PDE11A: variants seen among roughly 807,000 people sequenced by gnomAD.
PDE11A encodes the protein dual 3',5'-cyclic-AMP and -GMP phosphodiesterase 11A.
In PDE11A, 100 loss-of-function variants were observed where a neutral mutation model predicts 100.5. The ratio of observed to expected loss-of-function variants is 1.00; its 90% CI spans 0.85 to 1.18. The LOEUF (loss-of-function observed/expected upper bound fraction) is 1.18. PDE11A is among the 50% of genes most tolerant of loss of function. The pLI is 0.00. For missense variants in PDE11A, 1,141 were observed against 1,152.6 expected, an observed-to-expected ratio of 0.99 and a Z score of 0.15; for synonymous variants, 381 against 420.8, an observed-to-expected ratio of 0.91 and a Z score of 1.16.
At chr2:178,093,095 T>C (rs2087444685) in intron 2 of PDE11A, 2 of 152,212 alleles carry the variant, frequency 1.3e-5, no homozygotes, top group East Asian at 1.9e-4. Flanking sequence ...CTGAGACTTA[T>C]AGATTCTGAC....
At chr2:178,084,503 G>A (rs555038246) in intron 2 of PDE11A, among the ~76,000 whole-genome samples, 10 of 152,276 alleles carry the variant, frequency 6.6e-5, no homozygotes, top group Admixed American at 2.6e-4. Context: ...AGAAGTAGTC[G>A]GAGAGTAAGA....
chr2:178,001,552 T>C (rs534385151), intron 2 of PDE11A, among the ~76,000 whole-genome samples: 22 of 152,282 alleles, frequency 1.4e-4, no homozygotes, highest in Admixed American at 3.9e-4. Flanking sequence ...TTAGTCCTAT[T>C]CAAGATACAT....
chr2:177,969,166 G>C (rs1284874985), intron 2 of PDE11A, among the ~76,000 whole-genome samples: 1 of 152,126 alleles, frequency 6.6e-6, no homozygotes, highest in Non-Finnish European at 1.5e-5. Flanking sequence ...ACTAACACAG[G>C]AACAGAAAGC....
intron 1 of PDE11A, among the ~76,000 whole-genome samples, chr2:178,048,700 T>C (rs2086784487): frequency 2.6e-5 from 4 of 152,226 alleles, no homozygotes; most frequent in Admixed American, 2.6e-4. Context: ...TCCAGCATTT[T>C]CTGTGCTTGG....
At chr2:177,811,577 A>T in intron 9 of PDE11A, among the ~76,000 whole-genome samples, 1 of 107,028 alleles carries the variant, frequency 9.3e-6, no homozygotes, top group Non-Finnish European at 1.9e-5. Flanking sequence ...TTACATTTCT[A>T]TTTCTCACCA....
intron 13 of PDE11A, among the ~76,000 whole-genome samples, chr2:177,708,792 C>T (rs188386067): frequency 7.9e-5 from 12 of 152,292 alleles, no homozygotes; most frequent in Non-Finnish European, 1.0e-4. Flanking sequence ...TTATGCTCCC[C>T]CAAGTACTGT....
chr2:177,812,343 T>G (rs2082961680), intron 9 of PDE11A, among the ~76,000 whole-genome samples: 1 of 152,074 alleles, frequency 6.6e-6, no homozygotes, highest in Non-Finnish European at 1.5e-5. Context: ...AGGCTAATAC[T>G]AAAATCGACA....
chr2:177,781,136 T>G (rs2082448465), intron 9 of PDE11A, among the ~76,000 whole-genome samples: 1 of 152,170 alleles, frequency 6.6e-6, no homozygotes, highest in Non-Finnish European at 1.5e-5. Context: ...CATTGTAGGG[T>G]TATTACTTGG....
intron 4 of PDE11A, among the ~76,000 whole-genome samples, chr2:177,895,847 CA>C (rs1346787896): frequency 6.6e-6 from 1 of 152,006 alleles, no homozygotes; most frequent in African/African-American, 2.4e-5. Flanking sequence ...ACAAATTATA[CA>C]TTAATAATTA....
At chr2:177,848,460 T>A (rs1388529366) in intron 5 of PDE11A, among the ~76,000 whole-genome samples, 3 of 152,180 alleles carry the variant, frequency 2.0e-5, no homozygotes, top group Non-Finnish European at 4.4e-5. Flanking sequence ...TGTAAAGAAA[T>A]CCTTTATCTT....
intron 14 of PDE11A, among the ~76,000 whole-genome samples, chr2:177,699,659 T>C (rs1016487995): frequency 2.0e-5 from 3 of 152,112 alleles, no homozygotes; most frequent in African/African-American, 7.2e-5. Flanking sequence ...GGAAGAAAGG[T>C]CTGGGCAAAC....
chr2:177,829,205 G>A (rs2083271944), intron 6 of PDE11A, among the ~76,000 whole-genome samples: 1 of 152,050 alleles, frequency 6.6e-6, no homozygotes, highest in African/African-American at 2.4e-5. Context: ...TGGGGGGCAG[G>A]AGACTGTGGC....
At chr2:178,042,843 G>C (rs2086701474) in intron 1 of PDE11A, among the ~76,000 whole-genome samples, 1 of 152,066 alleles carries the variant, frequency 6.6e-6, no homozygotes, top group Non-Finnish European at 1.5e-5. Flanking sequence ...CCTACACTTA[G>C]GGGCAAGAGC....
chr2:177,660,292 G>A (rs1527410), intron 19 of PDE11A, among the ~76,000 whole-genome samples: 117,346 of 151,682 alleles, frequency 0.77, 46,059 homozygotes, highest in East Asian at 0.9. Context: ...TTATTAGATA[G>A]CTATTCATCG....
At chr2:177,684,873 G>T (rs1293907940) in intron 15 of PDE11A, among the ~76,000 whole-genome samples, 1 of 152,206 alleles carries the variant, frequency 6.6e-6, no homozygotes, top group South Asian at 2.1e-4. Context: ...AATAACAGCT[G>T]CCCCAAGCAG....
At chr2:177,961,352 C>G (rs2085629834) in intron 2 of PDE11A, among the ~76,000 whole-genome samples, 1 of 152,110 alleles carries the variant, frequency 6.6e-6, no homozygotes, top group South Asian at 2.1e-4. Flanking sequence ...CCTGCCCTGA[C>G]ACCCCAGCCT....
intron 2 of PDE11A, among the ~76,000 whole-genome samples, chr2:177,928,731 C>T (rs990502302): frequency 2.0e-5 from 3 of 151,992 alleles, no homozygotes; most frequent in African/African-American, 7.3e-5. Context: ...GGGGTGGTGG[C>T]ACATGCCTGT....
At chr2:178,033,555 C>T (rs774827111) in intron 1 of PDE11A, among the ~76,000 whole-genome samples, 57 of 152,114 alleles carry the variant, frequency 3.7e-4, no homozygotes, top group Non-Finnish European at 6.9e-4. Context: ...GAGAACAACA[C>T]TAAGATACTC....
chr2:177,913,094 A>T (rs1273090494), intron 2 of PDE11A, among the ~76,000 whole-genome samples: 1 of 152,192 alleles, frequency 6.6e-6, no homozygotes, highest in Non-Finnish European at 1.5e-5. Flanking sequence ...GAAATGTGTG[A>T]ATTTTATGAT....
Sources: gnomAD v4.1 joint callset for allele counts (sites outside exome capture counted in the v4.1 genomes callset) on GRCh38, gnomAD v4.1.1 for gene constraint, MANE v1.5 for transcripts, NCBI Gene and HGNC (gene_info 2026-07-23, HGNC 2026-07-21) for gene names.